Variants in PCTP observed in about 807,000 individuals in gnomAD.
PCTP encodes the protein phosphatidylcholine transfer protein.
PCTP carries 27 observed loss-of-function variants against 31.0 expected under a neutral mutation model. The observed-to-expected ratio is 0.87, with a 90% CI of 0.64 to 1.20. The LOEUF (loss-of-function observed/expected upper bound fraction) is 1.20, where lower values mean the gene tolerates loss of function less well. PCTP is among the 50% of genes most tolerant of loss of function. PCTP has a pLI of 0.00. For missense variants in PCTP, 287 were observed against 268.2 expected (o/e 1.07, Z -0.49); for synonymous variants, 108 against 101.2 (o/e 1.07, Z -0.40).
chr17:55,766,438 A>C (rs1415268827), intron 1 of PCTP, among the ~76,000 whole-genome samples: 1 of 101,658 alleles, frequency 9.8e-6, no homozygotes, highest in Admixed American at 1.3e-4. Flanking sequence ...CAGTCCCCAG[A>C]GTGTAATGTT....
chr17:55,841,089 G>A (rs1188747475), intron 5 of PCTP, among the ~76,000 whole-genome samples: 2 of 152,196 alleles, frequency 1.3e-5, no homozygotes, highest in African/African-American at 4.8e-5. Flanking sequence ...GTGTATGTGT[G>A]TTTGCAAGAG....
At chr17:55,832,592 C>A (rs184614933) in intron 5 of PCTP, among the ~76,000 whole-genome samples, 1 of 152,298 alleles carries the variant, frequency 6.6e-6, no homozygotes, top group East Asian at 1.9e-4. Context: ...ATGGCTTCAA[C>A]CTGAGTGTGT....
chr17:55,798,986 T>G (rs1912278317), intron 3 of PCTP, among the ~76,000 whole-genome samples: 1 of 151,788 alleles, frequency 6.6e-6, no homozygotes, highest in Non-Finnish European at 1.5e-5. Flanking sequence ...AAAATATATA[T>G]TTATGTTAAA....
At chr17:55,796,106 T>A (rs1173646131) in intron 3 of PCTP, among the ~76,000 whole-genome samples, 1 of 151,924 alleles carries the variant, frequency 6.6e-6, no homozygotes, top group Non-Finnish European at 1.5e-5. Context: ...TAAGGCAGCA[T>A]GAAAGACCTT....
chr17:55,764,083 T>C (rs1443228026), intron 1 of PCTP, among the ~76,000 whole-genome samples: 1 of 152,230 alleles, frequency 6.6e-6, no homozygotes, highest in African/African-American at 2.4e-5. Context: ...CCTGTTCTCA[T>C]TGTCTGTGCC....
At chr17:55,763,398 G>A (rs1910445951) in intron 1 of PCTP, among the ~76,000 whole-genome samples, 1 of 151,812 alleles carries the variant, frequency 6.6e-6, no homozygotes, top group South Asian at 2.1e-4. Context: ...GCCTTAAAAT[G>A]TTAATCTACT....
At chr17:55,807,432 G>T (rs1012107019) in intron 3 of PCTP, among the ~76,000 whole-genome samples, 1 of 152,114 alleles carries the variant, frequency 6.6e-6, no homozygotes, top group Admixed American at 6.6e-5. Flanking sequence ...TACAATTTTA[G>T]TTAAACATGG....
intron 3 of PCTP, among the ~76,000 whole-genome samples, chr17:55,815,015 G>A (rs1042758084): frequency 1.3e-5 from 2 of 152,092 alleles, no homozygotes; most frequent in African/African-American, 4.8e-5. Flanking sequence ...AAGAAAAGAG[G>A]CCCACACTTA....
chr17:55,778,371 C>T (rs750762062), downstream of PCTP, among the ~76,000 whole-genome samples: 6 of 151,970 alleles, frequency 3.9e-5, no homozygotes, highest in Admixed American at 2.6e-4. Flanking sequence ...CTTATTTTTC[C>T]CATATCTGTG....
At chr17:55,848,830 A>G in the PCTP span, among the ~76,000 whole-genome samples, 1 of 152,216 alleles carries the variant, frequency 6.6e-6, no homozygotes, top group East Asian at 1.9e-4. Flanking sequence ...TTGACTTTCT[A>G]ATGCTGGGGT....
intron 5 of PCTP, among the ~76,000 whole-genome samples, chr17:55,829,833 T>C (rs376432509): frequency 3.3e-5 from 5 of 152,144 alleles, no homozygotes; most frequent in African/African-American, 1.2e-4. Flanking sequence ...TATCAGACAA[T>C]GCATTCAGCT....
At chr17:55,837,809 C>G (rs998756737) in intron 5 of PCTP, among the ~76,000 whole-genome samples, 1 of 152,096 alleles carries the variant, frequency 6.6e-6, no homozygotes, top group South Asian at 2.1e-4. Flanking sequence ...CTGCCGACTC[C>G]CTGCCAGTCT....
At chr17:55,773,989 T>C (rs1463120332) in intron 4 of PCTP, 94 bp downstream of exon 4, 9 of 1,383,896 alleles carry the variant, frequency 6.5e-6, no homozygotes, top group Non-Finnish European at 8.7e-6. Flanking sequence ...ATGAAGCGTA[T>C]CCCTGAAGGT....
At position 55,751,128 on chromosome 17, in the gene PCTP, T is replaced by C. The variant is rs574310644; in HGVS notation, c.25T>C (p.Ser9Pro). 1.9e-6 allele frequency: 3 copies of C among 1,543,500 alleles called. No homozygotes were observed. The African/African-American group carries it at 4.1e-5, about 21-fold the overall frequency. ...GATGGAGCTGGCCGCCGGAAGCTTC[T>C]CGGAGGAGCAGTTCTGGGAGGCCTG... MELAAGSF[S>P]EEQFWEACAE... is the part of the protein sequence containing the mutation. The change falls in exon 1 of 6, where the codon TCG (serine) becomes CCG (proline). Residue 9 changes from serine to proline, a missense_variant. Coordinates refer to ENST00000268896, the MANE Select transcript of PCTP (RefSeq NM_021213.4).
At chr17:55,850,686 G>A in the PCTP span, among the ~76,000 whole-genome samples, 1 of 152,148 alleles carries the variant, frequency 6.6e-6, no homozygotes, top group Non-Finnish European at 1.5e-5. Context: ...GTAGGTTTCA[G>A]TTATCTTCTC....
At chr17:55,765,625 C>G (rs929440838) in intron 1 of PCTP, among the ~76,000 whole-genome samples, 7 of 152,194 alleles carry the variant, frequency 4.6e-5, no homozygotes, top group Non-Finnish European at 1.0e-4. Context: ...CTCTGATGAT[C>G]TATTTTCTAC....
At chr17:55,848,716 A>G in the PCTP span, among the ~76,000 whole-genome samples, 2 of 152,148 alleles carry the variant, frequency 1.3e-5, no homozygotes, top group African/African-American at 4.8e-5. Context: ...CCAACCCCTT[A>G]CCAGCTTCAG....
At chr17:55,843,519 C>T (rs892918463), downstream of PCTP, among the ~76,000 whole-genome samples, 2 of 152,170 alleles carry the variant, frequency 1.3e-5, no homozygotes, top group Admixed American at 1.3e-4. Flanking sequence ...TGTCTTTGCT[C>T]GTGATAGTTC....
chr17:55,757,208 G>GTATA (rs1025123337), intron 1 of PCTP, among the ~76,000 whole-genome samples: 1 of 149,722 alleles, frequency 6.7e-6, no homozygotes, highest in South Asian at 2.1e-4. Context: ...GCTTGTGTGT[G>GTATA]TATATATGTA....
Sources: gnomAD v4.1 joint callset for allele counts (sites outside exome capture counted in the v4.1 genomes callset) on GRCh38, gnomAD v4.1.1 for gene constraint, MANE v1.5 for transcripts, NCBI Gene and HGNC (gene_info 2026-07-23, HGNC 2026-07-21) for gene names.